The following CERKL variants were observed in gnomAD, a reference collection of about 807,000 sequenced individuals.
The protein encoded by CERKL is ceramide kinase-like protein.
In CERKL, 61 loss-of-function variants were observed where a neutral mutation model predicts 63.4. The observed-to-expected ratio is 0.96, with a 90% confidence interval of 0.78 to 1.19. The LOEUF (loss-of-function observed/expected upper bound fraction) is 1.19, where lower values mean the gene tolerates loss of function less well. Among genes scored for constraint, CERKL ranks in the 50% most tolerant of loss-of-function variants. CERKL has a pLI of 0.00. For synonymous variants in CERKL, 250 were observed against 230.5 expected (o/e 1.08, Z -0.77); for missense variants, 675 against 655.5 (o/e 1.03, Z -0.33).
chr2:181,640,908 A>C (rs549401269), intron 1 of CERKL, among the ~76,000 whole-genome samples: 26 of 152,348 alleles, frequency 1.7e-4, no homozygotes, highest in Middle Eastern at 6.8e-3. Context: ...TGCCAGTTCC[A>C]GCCCCAGAGG....
chr2:181,538,380 AAACTGAGAAGGTCTGATTGAT>A, intron 12 of CERKL, 136 bp from the exon 13 acceptor site: 1 of 619,410 alleles, frequency 1.6e-6, no homozygotes, highest in Non-Finnish European at 2.9e-6. Flanking sequence ...GTAATCTAGA[AAACTGAGAAGGTCTGATTGAT>A]AAATCATCAA....
chr2:181,539,438 T>G (rs1356711208), intron 11 of CERKL, among the ~76,000 whole-genome samples, 174 bp from the exon 12 acceptor site: 1 of 152,182 alleles, frequency 6.6e-6, no homozygotes, highest in African/African-American at 2.4e-5. Flanking sequence ...GAATCTCTTA[T>G]CCAAAGCCTT....
chr2:181,598,321 A>T (rs1208779244), intron 2 of CERKL, among the ~76,000 whole-genome samples: 4 of 152,310 alleles, frequency 2.6e-5, no homozygotes, highest in Admixed American at 2.6e-4. Context: ...GGGCATATGC[A>T]TAACCTACAG....
chr2:181,543,707 G>A (rs562323165), intron 11 of CERKL, among the ~76,000 whole-genome samples: 24 of 152,248 alleles, frequency 1.6e-4, no homozygotes, highest in African/African-American at 3.9e-4. Context: ...TGTGTGGGCC[G>A]GACGTGGTGG....
In CERKL at chr2:181,561,780, A is replaced by G. The variant is rs181271771; in HGVS notation, c.678-3072T>C. Among the ~76,000 whole-genome samples, 6 of 151,802 alleles carry G rather than the reference A, an allele frequency of 4.0e-5. No homozygotes were observed. The East Asian group carries it at 5.8e-4, about 15-fold the overall frequency. On this transcript the variant is annotated intron_variant, in intron 4 of 12. Coordinates refer to ENST00000410087, the MANE Select transcript of CERKL (RefSeq NM_201548.5). ...CATAACAAGAACCTGTGCTTCCACAACTTCATTTATCTTTATTTTTATAAT... is the reference window on the plus strand; with the variant it reads ...CATAACAAGAACCTGTGCTTCCACAGCTTCATTTATCTTTATTTTTATAAT...
rs1688404894 is a variant in CERKL at position 181,560,787 on chromosome 2, G to A, written c.678-2079C>T. Among the ~76,000 whole-genome samples the A allele has an allele frequency of 2.0e-5, 3 of 152,000 alleles. No individual in the cohort carries two copies. In the South Asian group the frequency reaches 6.2e-4, roughly 32 times the overall value. On this transcript the variant is annotated intron_variant, in intron 4 of 12. Transcript: ENST00000410087. ...CTATATATGAAACCTAATAAAAATA[G>A]CCTTATGAGAATCTTATTATTTTGA...
chr2:181,624,495 T>C (rs1324114432), intron 1 of CERKL, among the ~76,000 whole-genome samples: 1 of 152,100 alleles, frequency 6.6e-6, no homozygotes, highest in African/African-American at 2.4e-5. Context: ...TGATCACCAG[T>C]GCATTCCAGC....
chr2:181,628,318 G>A lies in CERKL; in HGVS notation c.239-24239C>T, dbSNP rs142921893. Among the ~76,000 whole-genome samples the A allele has an allele frequency of 1.2e-4, 18 of 152,262 alleles. No homozygotes were observed. In the East Asian group the frequency reaches 2.5e-3, roughly 21 times the overall value. Reference sequence around the variant, plus strand: ...TAACCCAGTCCTAAGGAGCTCTGTCGTACTTTACCTATTGGGAGAAGAGAA... The same window carrying A: ...TAACCCAGTCCTAAGGAGCTCTGTCATACTTTACCTATTGGGAGAAGAGAA... On this transcript the variant is annotated intron_variant, in intron 1 of 12. Coordinates refer to ENST00000410087, the MANE Select transcript of CERKL (RefSeq NM_201548.5).
intron 1 of CERKL, among the ~76,000 whole-genome samples, chr2:181,648,542 C>T (rs1254852855): frequency 1.3e-5 from 2 of 152,152 alleles, no homozygotes; most frequent in East Asian, 1.9e-4. Flanking sequence ...GCAATGTTTA[C>T]AGGAGTGCTA....
chr2:181,585,949 C>T (rs1574473394), intron 2 of CERKL, among the ~76,000 whole-genome samples: 1 of 152,090 alleles, frequency 6.6e-6, no homozygotes, highest in South Asian at 2.1e-4. Flanking sequence ...GGGCACAGAG[C>T]TTCATCATCT....
At chr2:181,610,931 A>G (rs1685941841) in intron 1 of CERKL, among the ~76,000 whole-genome samples, 1 of 152,188 alleles carries the variant, frequency 6.6e-6, no homozygotes, top group Admixed American at 6.5e-5. Flanking sequence ...AGCTAAAATA[A>G]TACTTATCCA....
At chr2:181,645,833 T>A (rs543568452) in intron 1 of CERKL, among the ~76,000 whole-genome samples, 3 of 152,238 alleles carry the variant, frequency 2.0e-5, no homozygotes, top group Non-Finnish European at 2.9e-5. Flanking sequence ...TGTGCCATTT[T>A]TTTTCCTATT....
At chr2:181,607,596 A>T (rs1402952494) in intron 1 of CERKL, among the ~76,000 whole-genome samples, 2 of 152,222 alleles carry the variant, frequency 1.3e-5, no homozygotes, top group African/African-American at 4.8e-5. Flanking sequence ...AGTCACAGCA[A>T]ATCATTGGTG....
At chr2:181,586,591 G>C (rs1035479155) in intron 2 of CERKL, among the ~76,000 whole-genome samples, 2 of 152,120 alleles carry the variant, frequency 1.3e-5, no homozygotes, top group African/African-American at 4.8e-5. Context: ...CAGTCCTTTG[G>C]TAACTTCCCA....
Position 181,573,734 on chromosome 2 carries a change from T to A in CERKL, c.613+19A>T. The A allele has an allele frequency of 6.2e-7, 1 of 1,608,446 alleles. No homozygotes were observed. Among genetic ancestry groups the A allele is most frequent in the Non-Finnish European group, 8.5e-7 (1 of 1,175,752 alleles). On this transcript the variant is annotated intron_variant, in intron 3 of 12. Coordinates refer to ENST00000410087, the MANE Select transcript of CERKL (RefSeq NM_201548.5). Reference sequence around the variant, plus strand: ...TATGTTTTTGTAGATGGTGAAATTATATTCTGAAAATTACTTACTTGTTAC... The same window carrying A: ...TATGTTTTTGTAGATGGTGAAATTAAATTCTGAAAATTACTTACTTGTTAC...
At chr2:181,572,252 CA>C in intron 3 of CERKL, among the ~76,000 whole-genome samples, 1 of 152,150 alleles carries the variant, frequency 6.6e-6, no homozygotes, top group Non-Finnish European at 1.5e-5. Flanking sequence ...ACCTCTGAGA[CA>C]TCAAAGTTCT....
chr2:181,586,511 C>T (rs945262086), intron 2 of CERKL, among the ~76,000 whole-genome samples: 1 of 152,042 alleles, frequency 6.6e-6, no homozygotes, highest in African/African-American at 2.4e-5. Flanking sequence ...GTGTAAGCAT[C>T]CCCCAAGTAG....
intron 1 of CERKL, among the ~76,000 whole-genome samples, chr2:181,632,967 G>C (rs903272031): frequency 6.6e-6 from 1 of 152,190 alleles, no homozygotes; most frequent in Admixed American, 6.5e-5. Context: ...GGCCCAGAGA[G>C]CTGAGGGAAA....
chr2:181,569,301 TTTTGTATTAAAA>T (rs1374167703), intron 3 of CERKL, among the ~76,000 whole-genome samples: 3 of 152,168 alleles, frequency 2.0e-5, no homozygotes, highest in Middle Eastern at 3.2e-3. Flanking sequence ...ACTTTTCAGA[TTTTGTATTAAAA>T]TGCAGGTAAA....
Sources: gnomAD v4.1 joint callset for allele counts (sites outside exome capture counted in the v4.1 genomes callset) on GRCh38, gnomAD v4.1.1 for gene constraint, MANE v1.5 for transcripts, NCBI Gene and HGNC (gene_info 2026-07-23, HGNC 2026-07-21) for gene names.